The following VPS13D variants were observed in gnomAD, a reference collection of about 807,000 sequenced individuals.
VPS13D encodes the protein intermembrane lipid transfer protein VPS13D.
In VPS13D, 187 loss-of-function variants were observed where a neutral mutation model predicts 461.9. The observed-to-expected ratio is 0.40, with a 90% CI of 0.36 to 0.46. VPS13D has a LOEUF of 0.46. VPS13D is among the 20% of genes least tolerant of loss of function. The probability of loss-of-function intolerance (pLI) is 0.60; values close to 1 mark genes in which losing one functional copy is unlikely to be tolerated. For missense variants in VPS13D, 4,711 were observed against 5,364.9 expected (o/e 0.88, Z 3.81); for synonymous variants, 1,951 against 1,986.3 (o/e 0.98, Z 0.47).
intron 29 of VPS13D, among the ~76,000 whole-genome samples, chr1:12,312,689 A>G (rs1266012884): frequency 1.3e-5 from 2 of 152,122 alleles, no homozygotes; most frequent in African/African-American, 4.8e-5. Context: ...GAACCAGGAG[A>G]TTGAGGCTGC....
intron 1 of VPS13D, among the ~76,000 whole-genome samples, chr1:12,230,658 G>T (rs1639935002): frequency 1.3e-5 from 2 of 152,066 alleles, no homozygotes; most frequent in African/African-American, 4.8e-5. Context: ...ACACTCTCGC[G>T]TGGAGACATC....
intron 67 of VPS13D, among the ~76,000 whole-genome samples, chr1:12,494,363 T>G (rs1188563133): frequency 6.6e-6 from 1 of 152,054 alleles, no homozygotes; most frequent in African/African-American, 2.4e-5. Context: ...GGAGTGGGGG[T>G]GAGGTTGGAT....
chr1:12,302,782 C>T (rs1048928598), intron 25 of VPS13D, among the ~76,000 whole-genome samples: 3 of 148,086 alleles, frequency 2.0e-5, no homozygotes, highest in Admixed American at 1.3e-4. Flanking sequence ...GTTTGAATTA[C>T]TTTCATACTA....
At chr1:12,304,437 T>C in intron 25 of VPS13D, 69 bp from the exon 26 acceptor site, 6 of 1,403,612 alleles carry the variant, frequency 4.3e-6, no homozygotes, top group Non-Finnish European at 5.9e-6. Context: ...ATATTAAAGA[T>C]AGAGTCCCAC....
At chr1:12,248,050 G>T (rs1050416700) in intron 5 of VPS13D, among the ~76,000 whole-genome samples, 14 of 151,774 alleles carry the variant, frequency 9.2e-5, no homozygotes, top group Non-Finnish European at 1.5e-4. Context: ...ACCACGCCCC[G>T]CTAATTTTTT....
chr1:12,303,845 A>T (rs1222327918), intron 25 of VPS13D, among the ~76,000 whole-genome samples: 1 of 152,220 alleles, frequency 6.6e-6, no homozygotes, highest in African/African-American at 2.4e-5. Context: ...GGTGAAATAG[A>T]TTTTCCTCTG....
chr1:12,416,036 A>G (rs1644789892), intron 64 of VPS13D, among the ~76,000 whole-genome samples: 1 of 152,176 alleles, frequency 6.6e-6, no homozygotes, highest in South Asian at 2.1e-4. Context: ...GAAAAAAAAG[A>G]TTAGCTGGTT....
chr1:12,373,563 T>C (rs1644155236), intron 54 of VPS13D, among the ~76,000 whole-genome samples, 187 bp from the exon 55 acceptor site: 1 of 151,978 alleles, frequency 6.6e-6, no homozygotes, highest in African/African-American at 2.4e-5. Flanking sequence ...TGGAACTGTG[T>C]AGGGAAAAAA....
At position 12,349,247 on chromosome 1, in the gene VPS13D, C is replaced by A; in HGVS notation, c.9304C>A (p.Pro3102Thr). ...HLTSWRLQAR[P>T]KGLGVFFCKA... ...CACTTCTTGGCGGCTACAGGCCCGG[C>A]CCAAAGGATTGGGTGTATTTTTCTG... The change falls in exon 46 of 70, where the codon CCC (proline) becomes ACC (threonine). Residue 3102 changes from proline (P) to threonine (T), a missense_variant. Coordinates refer to ENST00000620676, the MANE Select transcript of VPS13D (RefSeq NM_015378.4). The A allele has an allele frequency of 6.2e-6, 10 of 1,614,096 alleles. No homozygotes were observed. The highest frequency in any genetic ancestry group is 8.5e-6 in the Non-Finnish European group (10 of 1,180,020).
chr1:12,348,347 T>A (rs769318936), intron 44 of VPS13D, among the ~76,000 whole-genome samples: 4 of 152,230 alleles, frequency 2.6e-5, no homozygotes, highest in African/African-American at 7.2e-5. Flanking sequence ...TAATTTTAAT[T>A]GTGTTGGATG....
Position 12,268,817 on chromosome 1 carries a change from A to G in VPS13D, c.1913A>G (p.Asn638Ser), listed in dbSNP as rs1641350962. Residue 638 changes from asparagine (N) to serine (S), a missense_variant, in exon 16 of 70, where the codon AAT (asparagine) becomes AGT (serine). Asn to Ser is a conservative substitution (Grantham distance 46). Transcript: ENST00000620676. ...ACAAGGCCCTTGAACATCATATACA[A>G]TCCGCAGGCCATTAAAAAAGTAGCA... The part of the protein sequence containing the change: ...VSTRPLNIIY[N>S]PQAIKKVADF... The G allele has an allele frequency of 1.2e-6, 2 of 1,613,788 alleles. No homozygotes were observed. The highest frequency in any genetic ancestry group is 2.7e-5 in the African/African-American group (2 of 74,876).
chr1:12,293,966 C>G (rs1054582192), intron 24 of VPS13D, among the ~76,000 whole-genome samples: 1 of 152,208 alleles, frequency 6.6e-6, no homozygotes. Context: ...CTTAAGACTT[C>G]TGGTCCCTTT....
rs549010095 is a variant in VPS13D at position 12,499,936 on chromosome 1, A to G, written c.12794+2305A>G. ...TTATCCTAGATTTGTAATTAAAAAC[A>G]TGTTTAAAGACCTAATTATTTGCGT... On this transcript the variant is annotated intron_variant, in intron 68 of 69. Coordinates refer to ENST00000620676, the MANE Select transcript of VPS13D (RefSeq NM_015378.4). 9 of 985,404 alleles carry G rather than the reference A, an allele frequency of 9.1e-6. No individual in the cohort carries two copies. In the South Asian group the frequency reaches 4.2e-4, roughly 46 times the overall value. The allele number at this position is 985,404 out of a possible 1,614,324, so 61.0% of individuals were successfully genotyped here. A position where few individuals can be genotyped will look rare whatever the true frequency, so the allele number is the denominator to read the frequency against.
chr1:12,331,578 G>C (rs1312422680), intron 37 of VPS13D, among the ~76,000 whole-genome samples: 1 of 151,832 alleles, frequency 6.6e-6, no homozygotes, highest in African/African-American at 2.4e-5. Flanking sequence ...CGGGCGTGGT[G>C]GTGGGCACCT....
chr1:12,245,318 G>A (rs1223075991), intron 5 of VPS13D, among the ~76,000 whole-genome samples: 3 of 152,160 alleles, frequency 2.0e-5, no homozygotes, highest in Admixed American at 6.5e-5. Flanking sequence ...TTCAATGTAT[G>A]TCATGTTCCC....
At chr1:12,375,031 C>T (rs1158767569) in intron 55 of VPS13D, among the ~76,000 whole-genome samples, 1 of 152,226 alleles carries the variant, frequency 6.6e-6, no homozygotes, top group African/African-American at 2.4e-5. Flanking sequence ...AGCCACCATG[C>T]CCGGCCAGTA....
At position 12,308,406 on chromosome 1, in the gene VPS13D, C is replaced by T. The variant is rs754554485; in HGVS notation, c.6440-25C>T. 3.1e-6 allele frequency: 5 copies of T among 1,613,012 alleles called. 1 individual carries two copies. In the South Asian group the frequency reaches 3.3e-5, roughly 11 times the overall value. On this transcript the variant is annotated intron_variant, in intron 26 of 69. Coordinates refer to ENST00000620676, the MANE Select transcript of VPS13D (RefSeq NM_015378.4). ...TTTTTGGGTCCCCTTTTCTTCATTA[C>T]CTCTCTTTCCTTGGGTCCTTGTAGA...
rs1198628572 is a variant in VPS13D, at chr1:12,510,525, C to CTGTGTCTGTGTG, written c.*1506_*1507insCTGTGTGTGTGT. 6.8e-6 allele frequency: 1 copy of CTGTGTCTGTGTG among 146,118 alleles called. No homozygotes were observed. Among genetic ancestry groups the CTGTGTCTGTGTG allele is most frequent in the Non-Finnish European group, 1.5e-5 (1 of 66,550 alleles). 9.1% of individuals were successfully genotyped at this position (146,118 alleles called of 1,614,324 possible). A position where few individuals can be genotyped will look rare whatever the true frequency, so the allele number is the denominator to read the frequency against. On this transcript the variant is annotated 3_prime_UTR_variant, in exon 70 of 70. Coordinates refer to ENST00000620676, the MANE Select transcript of VPS13D (RefSeq NM_015378.4). The stretch of plus-strand genomic sequence containing the variant: ...TCCCACTTCCCCTCTGTGTCTGTGT[C>CTGTGTCTGTGTG]TGTGTGTGTGTGTGTGTGTGTGTGT...
rs1370245239 is a variant in VPS13D, at chr1:12,401,670, G to T, written c.11847G>T (p.Leu3949=). 6.2e-7 allele frequency: 1 copy of T among 1,613,550 alleles called. No individual in the cohort carries two copies. The highest frequency in any genetic ancestry group is 2.2e-5 in the East Asian group (1 of 44,864). ...TTGAGGAGAAACTGCTCCTCAAGCTGCTAAGTTTCTTTGGCTACGATCAAG... is the reference window on the plus strand; with the variant it reads ...TTGAGGAGAAACTGCTCCTCAAGCTTCTAAGTTTCTTTGGCTACGATCAAG... ...VQIEEKLLLK[L]LSFFGYDQAE... is the part of the protein sequence containing the mutation. The change falls in exon 62 of 70, where the codon CTG becomes CTT. Residue 3949 remains leucine (L), a synonymous_variant. Transcript: ENST00000620676.
Sources: gnomAD v4.1 joint callset for allele counts (sites outside exome capture counted in the v4.1 genomes callset) on GRCh38, gnomAD v4.1.1 for gene constraint, MANE v1.5 for transcripts, NCBI Gene and HGNC (gene_info 2026-07-23, HGNC 2026-07-21) for gene names.